ADAM22: variants seen among roughly 807,000 people sequenced by gnomAD.
The protein encoded by ADAM22 is ADAM metallopeptidase domain 22.
A neutral mutation model predicts 144.6 loss-of-function variants in ADAM22; 65 were observed. The observed-to-expected ratio is 0.45, with a 90% CI of 0.37 to 0.55. ADAM22 has a LOEUF of 0.55. Ranked by LOEUF, ADAM22 falls within the 20% of genes least tolerant of loss-of-function variation. The probability of loss-of-function intolerance (pLI) is 0.00; values close to 1 mark genes in which losing one functional copy is unlikely to be tolerated. For synonymous variants in ADAM22, 391 were observed against 412.6 expected (o/e 0.95, Z 0.63); for missense variants, 974 against 1,184.9 (o/e 0.82, Z 2.61).
chr7:88,182,496 C>G (rs569433645), intron 29 of ADAM22, among the ~76,000 whole-genome samples: 4 of 152,160 alleles, frequency 2.6e-5, no homozygotes, highest in Non-Finnish European at 5.9e-5. Flanking sequence ...TAAGCATTCT[C>G]TCAGACTAAT....
intron 2 of ADAM22, among the ~76,000 whole-genome samples, chr7:87,958,082 A>T (rs1173053562): frequency 6.6e-6 from 1 of 152,138 alleles, no homozygotes; most frequent in East Asian, 1.9e-4. Flanking sequence ...TTTTATAAAC[A>T]TCATTTATTC....
rs367736546 is a variant in ADAM22, at chr7:88,133,733, T to G, written c.1078-596T>G. On this transcript the variant is annotated intron_variant, in intron 12 of 31. Coordinates refer to ENST00000413139, the MANE Select transcript of ADAM22 (RefSeq NM_001324418.2). The stretch of plus-strand genomic sequence containing the variant: ...AATAGAGTAGGTTTTCCAAAGGGTT[T>G]CTTTTACTCCTAAGGCACTAAACCT... Among the ~76,000 whole-genome samples, 8 of 152,310 alleles carry G rather than the reference T, an allele frequency of 5.3e-5. No individual in the cohort carries two copies. The South Asian group carries it at 8.3e-4, about 16-fold the overall frequency.
At chr7:87,971,684 T>C (rs191678062) in intron 2 of ADAM22, among the ~76,000 whole-genome samples, 1 of 152,326 alleles carries the variant, frequency 6.6e-6, no homozygotes, top group Admixed American at 6.5e-5. Context: ...GACAGTACCT[T>C]AGCCTGTGTC....
At chr7:88,153,087 C>T (rs1241926079) in intron 20 of ADAM22, 134 bp from the exon 21 acceptor site, 6 of 579,358 alleles carry the variant, frequency 1.0e-5, no homozygotes, top group African/African-American at 3.8e-5. Context: ...GTGAACCGTT[C>T]GTTGGTAACA....
At chr7:88,165,793 G>T (rs369995786) in intron 23 of ADAM22, 39 bp from the exon 24 acceptor site, 1 of 1,405,620 alleles carries the variant, frequency 7.1e-7, no homozygotes, top group Admixed American at 1.9e-5. Flanking sequence ...TTCTGTACCA[G>T]AGAGTTGACA....
chr7:87,968,850 G>A (rs1269621755), intron 2 of ADAM22, among the ~76,000 whole-genome samples: 1 of 152,194 alleles, frequency 6.6e-6, no homozygotes, highest in African/African-American at 2.4e-5. Flanking sequence ...GGCTGTACAG[G>A]CTTTTGCTTC....
At position 88,015,801 on chromosome 7, in the gene ADAM22, G is replaced by A. The variant is rs1030290194; in HGVS notation, c.323+37389G>A. ...AAGAACCTACATTTCATTTTGCGTAGTGAAATTTGTGGGGAGCAGAGGCAT... is the reference window on the plus strand; with the variant it reads ...AAGAACCTACATTTCATTTTGCGTAATGAAATTTGTGGGGAGCAGAGGCAT... On this transcript the variant is annotated intron_variant, in intron 3 of 31. Coordinates refer to ENST00000413139, the MANE Select transcript of ADAM22 (RefSeq NM_001324418.2). Among the ~76,000 whole-genome samples, 15 of 152,240 alleles carry A rather than the reference G, an allele frequency of 9.9e-5. No homozygotes were observed. The South Asian group carries it at 1.2e-3, about 13-fold the overall frequency.
intron 4 of ADAM22, among the ~76,000 whole-genome samples, chr7:88,080,524 C>T (rs969172925): frequency 2.0e-5 from 3 of 151,816 alleles, no homozygotes; most frequent in African/African-American, 7.3e-5. Flanking sequence ...AATAGAGACA[C>T]AAAAAGCCCT....
chr7:87,966,179 C>T (rs1328526381), intron 2 of ADAM22, among the ~76,000 whole-genome samples: 1 of 152,164 alleles, frequency 6.6e-6, no homozygotes, highest in East Asian at 1.9e-4. Flanking sequence ...TCTCATTTCT[C>T]CCCGGCCTTT....
At chr7:88,144,500 T>A (rs1248659253) in intron 15 of ADAM22, among the ~76,000 whole-genome samples, 2 of 152,192 alleles carry the variant, frequency 1.3e-5, no homozygotes, top group African/African-American at 4.8e-5. Context: ...CTGTATTTTT[T>A]ATTAAGTCGA....
intron 2 of ADAM22, among the ~76,000 whole-genome samples, chr7:87,972,931 C>T (rs917248409): frequency 5.3e-5 from 8 of 152,130 alleles, no homozygotes; most frequent in African/African-American, 9.7e-5. Context: ...ACACCTTATA[C>T]AAAAATTAAT....
chr7:87,940,351 A>G (rs1378856208), intron 2 of ADAM22, among the ~76,000 whole-genome samples: 2 of 152,194 alleles, frequency 1.3e-5, no homozygotes, highest in African/African-American at 4.8e-5. Flanking sequence ...TATGGAAATC[A>G]GCAATGTATT....
At chr7:88,067,227 T>C (rs1811476146) in intron 3 of ADAM22, among the ~76,000 whole-genome samples, 1 of 151,752 alleles carries the variant, frequency 6.6e-6, no homozygotes, top group Admixed American at 6.6e-5. Flanking sequence ...TGTAGTGTGT[T>C]CCCTGGTACC....
chr7:88,039,464 A>AAAAAAAAAAAAAAATAT, intron 3 of ADAM22, among the ~76,000 whole-genome samples: 36 of 76,392 alleles, frequency 4.7e-4, no homozygotes, highest in Non-Finnish European at 6.8e-4. Flanking sequence ...AAAAAAAAAA[A>AAAAAAAAAAAAAAATAT]ATATATATAT....
intron 1 of ADAM22, 138 bp from the exon 2 acceptor site, chr7:87,934,888 C>T (rs1389286971): frequency 2.5e-6 from 3 of 1,223,060 alleles, no homozygotes; most frequent in East Asian, 2.4e-5. Flanking sequence ...GCGTCCTTCC[C>T]AGTTGGGTTC....
chr7:88,038,784 TC>T (rs1289705604), intron 3 of ADAM22, among the ~76,000 whole-genome samples: 1 of 150,990 alleles, frequency 6.6e-6, no homozygotes, highest in African/African-American at 2.4e-5. Context: ...TTCTTCTTCT[TC>T]TTTTTTTTTT....
chr7:87,962,767 G>C (rs1478464994), intron 2 of ADAM22, among the ~76,000 whole-genome samples: 13 of 151,994 alleles, frequency 8.6e-5, no homozygotes, highest in Non-Finnish European at 1.3e-4. Flanking sequence ...CATCTTACAT[G>C]TATTCAGTCT....
intron 31 of ADAM22, among the ~76,000 whole-genome samples, chr7:88,196,201 T>A (rs977164873): frequency 1.3e-5 from 2 of 152,242 alleles, no homozygotes; most frequent in Non-Finnish European, 2.9e-5. Context: ...ATATTGACTC[T>A]ATTCAAAATG....
chr7:88,113,853 T>C (rs1826984516), intron 5 of ADAM22, among the ~76,000 whole-genome samples: 1 of 150,116 alleles, frequency 6.7e-6, no homozygotes, highest in African/African-American at 2.5e-5. Context: ...GTAAACACGC[T>C]GATTGAATGA....
Sources: gnomAD v4.1 joint callset for allele counts (sites outside exome capture counted in the v4.1 genomes callset) on GRCh38, gnomAD v4.1.1 for gene constraint, MANE v1.5 for transcripts, NCBI Gene and HGNC (gene_info 2026-07-23, HGNC 2026-07-21) for gene names.